SLC45A1: variants seen among roughly 807,000 people sequenced by gnomAD.
SLC45A1 encodes proton-associated sugar transporter A.
Under a neutral mutation model 57.6 loss-of-function variants are expected in SLC45A1, and 28 were observed. The observed-to-expected ratio is 0.49, with a 90% CI of 0.36 to 0.67. SLC45A1 has a LOEUF of 0.67. Ranked by LOEUF, SLC45A1 falls within the 30% of genes least tolerant of loss-of-function variation. The pLI, the probability that SLC45A1 is intolerant of heterozygous loss-of-function variation, is 0.00. For missense variants in SLC45A1, 814 were observed against 1,041.5 expected (o/e 0.78, Z 3.01); for synonymous variants, 459 against 471.5 (o/e 0.97, Z 0.34).
At chr1:8,324,169 G>T in intron 1 of SLC45A1, 137 bp from the exon 2 acceptor site, 1 of 795,688 alleles carries the variant, frequency 1.3e-6, no homozygotes, top group South Asian at 1.8e-5. Flanking sequence ...TGAGGCCCCG[G>T]AGCATCAACC....
intron 6 of SLC45A1, 118 bp from the exon 7 acceptor site, chr1:8,337,698 G>A (rs538728334): frequency 3.6e-5 from 35 of 958,924 alleles, no homozygotes; most frequent in East Asian, 5.1e-5. Flanking sequence ...GATTACAGGC[G>A]TGAGCCACCA....
chr1:8,339,446 G>A (rs776218686), intron 7 of SLC45A1, 47 bp from the exon 8 acceptor site: 39 of 1,594,092 alleles, frequency 2.4e-5, no homozygotes, highest in South Asian at 1.2e-4. Context: ...CTGAATCCCC[G>A]GAGGCTCTGG....
chr1:8,339,534 C>G lies in SLC45A1; in HGVS notation c.1816C>G (p.Leu606Val). ...KLEEFLSVRT[L>V]YFIAYLAFGL... is the part of the protein sequence containing the mutation. ...GGAGGAGTTCCTCAGCGTCCGCACC[C>G]TCTACTTCATCGCCTATCTCGCCTT... Residue 606 changes from leucine (L) to valine (V), a missense_variant, in exon 8 of 9, where the codon CTC (leucine) becomes GTC (valine). Transcript: ENST00000471889. 6.2e-7 allele frequency: 1 copy of G among 1,614,222 alleles called. No individual in the cohort carries two copies. Among genetic ancestry groups the G allele is most frequent in the Non-Finnish European group, 8.5e-7 (1 of 1,180,032 alleles).
chr1:8,331,148 G>A (rs1250700389), intron 5 of SLC45A1, among the ~76,000 whole-genome samples: 2 of 152,222 alleles, frequency 1.3e-5, no homozygotes, highest in Non-Finnish European at 2.9e-5. Context: ...GGCTAAGGCA[G>A]GAGGATCGCT....
intron 7 of SLC45A1, 82 bp from the exon 8 acceptor site, chr1:8,339,411 A>C: frequency 7.2e-7 from 1 of 1,395,014 alleles, no homozygotes; most frequent in Non-Finnish European, 1.0e-6. Flanking sequence ...GCTTCAGGTC[A>C]GCCGCCGGGA....
At chr1:8,337,789 G>T in intron 6 of SLC45A1, 27 bp from the exon 7 acceptor site, 1 of 1,605,306 alleles carries the variant, frequency 6.2e-7, no homozygotes, top group South Asian at 1.1e-5. Context: ...TTGCCCCCGA[G>T]GTCATGAACC....
At chr1:8,342,898 CAAA>C (rs111698660) in intron 8 of SLC45A1, among the ~76,000 whole-genome samples, 8 of 132,920 alleles carry the variant, frequency 6.0e-5, no homozygotes, top group South Asian at 2.5e-4. Flanking sequence ...GACCCTGTCT[CAAA>C]AAAAAAAAAA....
chr1:8,334,323 T>A (rs1640531632), intron 5 of SLC45A1, among the ~76,000 whole-genome samples: 1 of 152,234 alleles, frequency 6.6e-6, no homozygotes, highest in African/African-American at 2.4e-5. Flanking sequence ...GATGTGGGTG[T>A]CCTGGGAGCC....
At chr1:8,329,119 A>G (rs566729471) in intron 4 of SLC45A1, among the ~76,000 whole-genome samples, 1 of 152,340 alleles carries the variant, frequency 6.6e-6, no homozygotes, top group South Asian at 2.1e-4. Flanking sequence ...AGGAAGATCT[A>G]CAGTGAAACC....
intron 5 of SLC45A1, among the ~76,000 whole-genome samples, chr1:8,334,537 T>C: frequency 6.6e-6 from 1 of 152,080 alleles, no homozygotes; most frequent in Admixed American, 6.6e-5. Context: ...CCCATCTCTG[T>C]AACAATTTTT....
At position 8,330,951 on chromosome 1, in the gene SLC45A1, C is replaced by A; in HGVS notation, c.1443+15C>A. On this transcript the variant is annotated intron_variant, in intron 5 of 8. Coordinates refer to ENST00000471889, the MANE Select transcript of SLC45A1 (RefSeq NM_001080397.3). The surrounding 1 kb of genome is among the most constrained non-coding windows in gnomAD (Gnocchi z 8.4). ...TCAGTCAGCAGGTAACAGCAAATGT[C>A]GGGGGAGCTGAGGCTCAGAGGGTGG... 1 of 1,565,276 alleles carries A rather than the reference C, an allele frequency of 6.4e-7. No individual in the cohort carries two copies. The highest frequency in any genetic ancestry group is 1.2e-5 in the South Asian group (1 of 86,238).
rs1640376862 is a variant in SLC45A1 at position 8,330,761 on chromosome 1, A to T, written c.1268A>T (p.Glu423Val). 15 of 1,613,272 alleles carry T rather than the reference A, an allele frequency of 9.3e-6. No homozygotes were observed. The highest frequency in any genetic ancestry group is 1.6e-4 in the Middle Eastern group (1 of 6,082). The change falls in exon 5 of 9, where the codon GAG becomes GTG. Residue 423 changes from glutamate to valine, a missense_variant. Physicochemically the swap from Glu to Val is moderately radical, Grantham distance 121 (BLOSUM62 -2). Coordinates refer to ENST00000471889, the MANE Select transcript of SLC45A1 (RefSeq NM_001080397.3). The surrounding 1 kb of genome is among the most constrained non-coding windows in gnomAD (Gnocchi z 8.4). ...GACCGTGGACTTCTGGAGGGCAGAG[A>T]GGGTGCCCTGACCTCCGGCTGTGAC... ...RQDRGLLEGR[E>V]GALTSGCDGD...
chr1:8,338,529 G>A (rs1189131002), intron 7 of SLC45A1, among the ~76,000 whole-genome samples: 2 of 152,254 alleles, frequency 1.3e-5, no homozygotes, highest in African/African-American at 2.4e-5. Flanking sequence ...GGCCTGGCCG[G>A]TAGCGTGCAC....
chr1:8,318,426 C>T (rs897032839), intron 1 of SLC45A1, among the ~76,000 whole-genome samples: 1 of 152,252 alleles, frequency 6.6e-6, no homozygotes, highest in African/African-American at 2.4e-5. Flanking sequence ...CAGGTGCTCT[C>T]ATCCTTGCTG....
Position 8,337,935 on chromosome 1 carries a change from G to T in SLC45A1, c.1717G>T (p.Val573Leu). Residue 573 changes from valine (V) to leucine (L), a missense_variant, in exon 7 of 9, where the codon GTG becomes TTG. Coordinates refer to ENST00000471889, the MANE Select transcript of SLC45A1 (RefSeq NM_001080397.3). ...SEAYQKYNSG[V>L]TMGCWGMCIY... ...GGCGTATCAGAAGTACAACAGCGGCGTGACCATGGGCTGCTGGGGCATGTG... is the reference window on the plus strand; with the variant it reads ...GGCGTATCAGAAGTACAACAGCGGCTTGACCATGGGCTGCTGGGGCATGTG... 2 of 1,614,190 alleles carry T rather than the reference G, an allele frequency of 1.2e-6. No individual in the cohort carries two copies. Among genetic ancestry groups the T allele is most frequent in the Non-Finnish European group, 1.7e-6 (2 of 1,180,020 alleles).
chr1:8,318,602 CAGGGTTACTTAGCG>C (rs1383332571), intron 1 of SLC45A1, among the ~76,000 whole-genome samples: 1 of 152,218 alleles, frequency 6.6e-6, no homozygotes, highest in African/African-American at 2.4e-5. Flanking sequence ...CTCAGCATCC[CAGGGTTACTTAGCG>C]AGGGCACCGA....
At chr1:8,332,567 A>G (rs1383152775) in intron 5 of SLC45A1, among the ~76,000 whole-genome samples, 2 of 147,082 alleles carry the variant, frequency 1.4e-5, no homozygotes, top group Non-Finnish European at 3.0e-5. Context: ...GCTGGAGTGC[A>G]GTGATGCGAT....
intron 5 of SLC45A1, 138 bp downstream of exon 5, chr1:8,331,074 C>A: frequency 1.7e-6 from 2 of 1,185,406 alleles, no homozygotes; most frequent in East Asian, 5.0e-5. Context: ...GTGCTTTGAC[C>A]TAAAGAGAAA....
At chr1:8,324,970 C>T (rs1310460362) in intron 2 of SLC45A1, among the ~76,000 whole-genome samples, 1 of 152,212 alleles carries the variant, frequency 6.6e-6, no homozygotes, top group Non-Finnish European at 1.5e-5. Context: ...TGATGCCAGG[C>T]TCTCCTTGTT....
Sources: allele counts gnomAD v4.1 joint callset (sites outside exome capture counted in the v4.1 genomes callset), GRCh38; gene constraint gnomAD v4.1.1; non-coding constraint Gnocchi (gnomAD v3.1); transcripts MANE v1.5; gene names NCBI Gene and HGNC (gene_info 2026-07-23, HGNC 2026-07-21).